ACADL: variants seen among roughly 807,000 people sequenced by gnomAD.
ACADL encodes the protein long-chain specific acyl-CoA dehydrogenase, mitochondrial.
ACADL carries 60 observed loss-of-function variants against 56.9 expected under a neutral mutation model. That is an observed-to-expected ratio of 1.05 (90% CI 0.86 to 1.31). ACADL has a LOEUF of 1.31. Ranked by LOEUF, ACADL falls within the 50% of genes most tolerant of loss-of-function variation. The probability of loss-of-function intolerance (pLI) is 0.00; values close to 1 mark genes in which losing one functional copy is unlikely to be tolerated. For synonymous variants in ACADL, 158 were observed against 179.7 expected, an observed-to-expected ratio of 0.88 and a Z score of 0.97; for missense variants, 484 against 525.5, an observed-to-expected ratio of 0.92 and a Z score of 0.77.
intron 1 of ACADL, among the ~76,000 whole-genome samples, chr2:210,221,501 T>A (rs895972681): frequency 1.3e-5 from 2 of 152,198 alleles, no homozygotes; most frequent in Non-Finnish European, 2.9e-5. Context: ...CATCATTTTG[T>A]ACATTTTCAA....
chr2:210,207,452 G>A (rs569876689), intron 5 of ACADL, among the ~76,000 whole-genome samples: 15 of 152,134 alleles, frequency 9.9e-5, no homozygotes, highest in Non-Finnish European at 2.1e-4. Flanking sequence ...ACGTTGCGAG[G>A]TCTTCCTGAC....
At chr2:210,208,291 G>A (rs541055742) in intron 5 of ACADL, among the ~76,000 whole-genome samples, 1 of 152,200 alleles carries the variant, frequency 6.6e-6, no homozygotes, top group Non-Finnish European at 1.5e-5. Flanking sequence ...GCTCAATTTG[G>A]TAAATCAAGT....
chr2:210,190,561 A>G (rs1184194304), intron 10 of ACADL, among the ~76,000 whole-genome samples: 1 of 152,202 alleles, frequency 6.6e-6, no homozygotes, highest in African/African-American at 2.4e-5. Flanking sequence ...ACTGCAGTGA[A>G]GTTCTACATC....
chr2:210,196,978 C>G (rs149556883), intron 8 of ACADL, among the ~76,000 whole-genome samples: 2 of 152,308 alleles, frequency 1.3e-5, no homozygotes, highest in Non-Finnish European at 2.9e-5. Context: ...CAGCAATTCT[C>G]AAGTTATAAA....
intron 7 of ACADL, 57 bp from the exon 8 acceptor site, chr2:210,203,501 A>C (rs1349767887): frequency 9.3e-7 from 1 of 1,076,648 alleles, no homozygotes; most frequent in Non-Finnish European, 1.4e-6. Flanking sequence ...TGATTTTCAC[A>C]CAATTTCAAT....
At chr2:210,195,174 A>T (rs1341597698) in intron 9 of ACADL, 37 bp downstream of exon 9, 4 of 1,613,424 alleles carry the variant, frequency 2.5e-6, no homozygotes, top group Non-Finnish European at 2.5e-6. Flanking sequence ...TATCAGTCTG[A>T]GCACACACCG....
At chr2:210,198,505 A>G (rs973200642) in intron 8 of ACADL, among the ~76,000 whole-genome samples, 8 of 152,054 alleles carry the variant, frequency 5.3e-5, no homozygotes, top group Non-Finnish European at 1.2e-4. Context: ...ATGACTAACC[A>G]AGAGCTCTCA....
Position 210,188,970 on chromosome 2 carries a change from A to G in ACADL, c.1284T>C (p.Phe428=), listed in dbSNP as rs763588960. ...MKELIAREIV[F]DK Reference sequence around the variant, plus strand: ...GGATGTGGGCAGATGTCTACTTGTCAAAGACAATCTCTCTTGCAATCAGCT... The same window carrying G: ...GGATGTGGGCAGATGTCTACTTGTCGAAGACAATCTCTCTTGCAATCAGCT... The change falls in exon 11 of 11, where the codon TTT becomes TTC. Residue 428 remains phenylalanine (F), a synonymous_variant. Transcript: ENST00000233710. The G allele has an allele frequency of 3.1e-6, 5 of 1,612,442 alleles. No individual in the cohort carries two copies. Among genetic ancestry groups the G allele is most frequent in the South Asian group, 2.2e-5 (2 of 91,044 alleles).
At chr2:210,208,785 G>A (rs982866907) in intron 5 of ACADL, among the ~76,000 whole-genome samples, 1 of 152,060 alleles carries the variant, frequency 6.6e-6, no homozygotes, top group Non-Finnish European at 1.5e-5. Context: ...AAAACTTTGT[G>A]TTGCTAGTGT....
At chr2:210,216,534 A>T (rs748083276) in intron 3 of ACADL, 23 bp from the exon 4 acceptor site, 3 of 1,604,288 alleles carry the variant, frequency 1.9e-6, no homozygotes, top group Non-Finnish European at 2.6e-6. Flanking sequence ...AAAGAAGAAA[A>T]ATTAGAGCAT....
Position 210,205,751 on chromosome 2 carries a change from C to A in ACADL, c.649G>T (p.Ala217Ser). 6.2e-7 allele frequency: 1 copy of A among 1,613,988 alleles called. No homozygotes were observed. Among genetic ancestry groups the A allele is most frequent in the Non-Finnish European group, 8.5e-7 (1 of 1,179,958 alleles). ...GSLSDVVIVV[A>S]VTNHEAPSPA... ...GAGGGAGCTTCATGATTTGTGACCGCAACTACAATCACAACATCACTTAAT... is the reference window on the plus strand; with the variant it reads ...GAGGGAGCTTCATGATTTGTGACCGAAACTACAATCACAACATCACTTAAT... The change falls in exon 6 of 11, where the codon GCG (alanine) becomes TCG (serine). Residue 217 changes from alanine (A) to serine (S), a missense_variant. By Grantham distance (99) the Ala-to-Ser change is moderately conservative (BLOSUM62 1). Coordinates refer to ENST00000233710, the MANE Select transcript of ACADL (RefSeq NM_001608.4).
intron 4 of ACADL, among the ~76,000 whole-genome samples, chr2:210,214,467 A>AAAAAGAAAGAAAGAAAGAAAG (rs768537049): frequency 9.0e-5 from 11 of 122,336 alleles, no homozygotes; most frequent in Admixed American, 1.9e-4. Flanking sequence ...GACCTTCCAA[A>AAAAAGAAAGAAAGAAAGAAAG]AAAGAAAGAA....
intron 2 of ACADL, chr2:210,218,442 G>A (rs1689125034): frequency 8.0e-6 from 2 of 250,484 alleles, no homozygotes; most frequent in Non-Finnish European, 1.5e-5. Context: ...CACAAGGCCA[G>A]GCTAATTAAA....
Position 210,188,981 on chromosome 2 carries a change from C to T in ACADL, c.1273G>A (p.Glu425Lys). Residue 425 changes from glutamate to lysine, a missense_variant, in exon 11 of 11, where the codon GAG becomes AAG. Glu to Lys is a moderately conservative substitution (Grantham distance 56, BLOSUM62 1). Coordinates refer to ENST00000233710, the MANE Select transcript of ACADL (RefSeq NM_001608.4). ...GATGTCTACTTGTCAAAGACAATCT[C>T]TCTTGCAATCAGCTCCTTCATTATT... ...NEIMKELIAR[E>K]IVFDK The T allele has an allele frequency of 1.2e-6, 2 of 1,613,154 alleles. No homozygotes were observed. The highest frequency in any genetic ancestry group is 1.7e-6 in the Non-Finnish European group (2 of 1,179,310).
In ACADL at chr2:210,203,397, C is replaced by A; in HGVS notation, c.918G>T (p.Met306Ile). 1 of 1,606,976 alleles carries A rather than the reference C, an allele frequency of 6.2e-7. No individual in the cohort carries two copies. The highest frequency in any genetic ancestry group is 1.1e-5 in the South Asian group (1 of 90,790). ...ADVAISASEF[M>I]FEETRNYVKQ... is the part of the protein sequence containing the mutation. ...TAACATAGTTCCTGGTTTCTTCAAA[C>A]ATGAATTCACTAGCTGAAATTGCCA... is the stretch of plus-strand genomic sequence containing the variant. The change falls in exon 8 of 11, where the codon ATG becomes ATT. Residue 306 changes from methionine to isoleucine, a missense_variant. By Grantham distance (10) the Met-to-Ile change is conservative. Transcript: ENST00000233710.
intron 10 of ACADL, among the ~76,000 whole-genome samples, chr2:210,192,361 C>T (rs942855418): frequency 2.6e-5 from 4 of 151,910 alleles, no homozygotes; most frequent in African/African-American, 4.8e-5. Flanking sequence ...TCATGGCACG[C>T]ACCTGTTAAT....
Position 210,189,423 on chromosome 2 carries a change from T to C in ACADL, c.1200-369A>G, listed in dbSNP as rs368601761. Among the ~76,000 whole-genome samples the C allele has an allele frequency of 3.3e-3, 501 of 152,288 alleles. 1 individual carries two copies. Among genetic ancestry groups the C allele is most frequent in the Middle Eastern group, 0.01 (3 of 294 alleles). Reference sequence around the variant, plus strand: ...TGTCTTAGTTTCTTTTTATCTTTAATGTTTCCTAAAAAGTTGAAATCCACT... The same window carrying C: ...TGTCTTAGTTTCTTTTTATCTTTAACGTTTCCTAAAAAGTTGAAATCCACT... On this transcript the variant is annotated intron_variant, in intron 10 of 10. Coordinates refer to ENST00000233710, the MANE Select transcript of ACADL (RefSeq NM_001608.4).
rs895660387 is a variant in ACADL, at chr2:210,192,901, A to G, written c.1113-11T>C. ...TGTAACTCAGATGCCCTAAATGACC[A>G]AAATAAAAGGCAGAAAAGAAATGTT... is the stretch of plus-strand genomic sequence containing the variant. On this transcript the variant is annotated splice_polypyrimidine_tract_variant and intron_variant, in intron 9 of 10. Coordinates refer to ENST00000233710, the MANE Select transcript of ACADL (RefSeq NM_001608.4). 6.2e-7 allele frequency: 1 copy of G among 1,605,726 alleles called. No individual in the cohort carries two copies. The highest frequency in any genetic ancestry group is 8.5e-7 in the Non-Finnish European group (1 of 1,172,592).
In ACADL at chr2:210,216,018, T is replaced by C. The variant is rs79688780; in HGVS notation, c.536+329A>G. On this transcript the variant is annotated intron_variant, in intron 4 of 10. Coordinates refer to ENST00000233710, the MANE Select transcript of ACADL (RefSeq NM_001608.4). ...AAAGACTTTTAAAACCTATTGCTAC[T>C]CCATCCTTGTCTCCAGAATTCCAAA... is the stretch of plus-strand genomic sequence containing the variant. 6.4e-3 allele frequency among the ~76,000 whole-genome samples: 982 copies of C among 152,290 alleles called. 9 individuals are homozygous for C. Among genetic ancestry groups the C allele is most frequent in the Non-Finnish European group, 0.01 (693 of 68,028 alleles).
Sources: gnomAD v4.1 joint callset for allele counts (sites outside exome capture counted in the v4.1 genomes callset) on GRCh38, gnomAD v4.1.1 for gene constraint, MANE v1.5 for transcripts, NCBI Gene and HGNC (gene_info 2026-07-23, HGNC 2026-07-21) for gene names.